CRISPLD1: variants seen among roughly 807,000 people sequenced by gnomAD.
CRISPLD1 encodes the protein cysteine-rich secretory protein LCCL domain-containing 1.
In CRISPLD1, 60 loss-of-function variants were observed where a neutral mutation model predicts 77.5. That is an observed-to-expected ratio of 0.77 (90% CI 0.63 to 0.96). The LOEUF is 0.96. CRISPLD1 is among the 40% of genes least tolerant of loss of function. The pLI, the probability that CRISPLD1 is intolerant of heterozygous loss-of-function variation, is 0.00. For synonymous variants in CRISPLD1, 195 were observed against 200.1 expected (o/e 0.97, Z 0.22); for missense variants, 623 against 615.8 (o/e 1.01, Z -0.12).
chr8:74,993,629 A>G (rs6990511), intron 2 of CRISPLD1, among the ~76,000 whole-genome samples: 57,061 of 152,050 alleles, frequency 0.38, 12,533 homozygotes, highest in African/African-American at 0.62. Context: ...CCTATAGAAA[A>G]AAAAGTGACA....
intron 12 of CRISPLD1, among the ~76,000 whole-genome samples, chr8:75,022,836 G>C (rs935473085): frequency 6.6e-6 from 1 of 151,970 alleles, no homozygotes; most frequent in Admixed American, 6.6e-5. Context: ...GTCCTTGAAA[G>C]TTTCCATGTC....
At chr8:75,030,102 G>A (rs898362125) in intron 14 of CRISPLD1, among the ~76,000 whole-genome samples, 6 of 151,910 alleles carry the variant, frequency 3.9e-5, no homozygotes, top group African/African-American at 1.4e-4. Context: ...TAAAATAAAT[G>A]AAGCAATGGT....
At chr8:75,006,904 C>T (rs1267704278) in intron 2 of CRISPLD1, among the ~76,000 whole-genome samples, 1 of 152,080 alleles carries the variant, frequency 6.6e-6, no homozygotes, top group African/African-American at 2.4e-5. Context: ...CATATAATCT[C>T]ATAAAACTTT....
intron 8 of CRISPLD1, 37 bp downstream of exon 8, chr8:75,016,978 TAATA>T (rs755734190): frequency 9.3e-6 from 14 of 1,513,466 alleles, no homozygotes; most frequent in Non-Finnish European, 1.2e-5. Context: ...TAATTGAATA[TAATA>T]AATATTTTTA....
intron 2 of CRISPLD1, chr8:75,000,243 T>G: frequency 2.0e-6 from 2 of 985,166 alleles, no homozygotes; most frequent in Non-Finnish European, 2.4e-6. Flanking sequence ...AATCTGTATC[T>G]GAAATAGTGA....
intron 2 of CRISPLD1, 64 bp downstream of exon 2, chr8:74,986,309 C>CTTCA: frequency 4.2e-6 from 6 of 1,436,866 alleles, no homozygotes; most frequent in Non-Finnish European, 5.8e-6. Flanking sequence ...AGTCAGCAGT[C>CTTCA]TTCATGCTGT....
intron 10 of CRISPLD1, 88 bp from the exon 11 acceptor site, chr8:75,019,782 G>A (rs1813100133): frequency 4.1e-6 from 4 of 978,304 alleles, no homozygotes; most frequent in African/African-American, 1.6e-5. Context: ...AGAAAATTAA[G>A]TGTTCATAGA....
rs1813035676 is a variant in CRISPLD1 at position 75,016,716 on chromosome 8, C to T, written c.868+11C>T. 6.3e-7 allele frequency: 1 copy of T among 1,595,898 alleles called. No individual in the cohort carries two copies. The highest frequency in any genetic ancestry group is 8.5e-7 in the Non-Finnish European group (1 of 1,173,130). ...GCGCACAGCAAATGTGTAAGACCTC[C>T]ATATTACTTATAAAAATTTTCAAAG... is the stretch of plus-strand genomic sequence containing the variant. On this transcript the variant is annotated intron_variant, in intron 7 of 14. Coordinates refer to ENST00000262207, the MANE Select transcript of CRISPLD1 (RefSeq NM_031461.6).
chr8:75,025,862 A>G (rs1476086536), intron 13 of CRISPLD1, among the ~76,000 whole-genome samples: 1 of 152,212 alleles, frequency 6.6e-6, no homozygotes, highest in Non-Finnish European at 1.5e-5. Flanking sequence ...TATATAAGAC[A>G]CATAATGAAA....
In CRISPLD1 at chr8:75,016,950, T is replaced by C; in HGVS notation, c.929+9T>C. ...GGAACAACCTGCAATAGGTAATATT[T>C]GTTATTATTTTGAAAATTAATTGAA... On this transcript the variant is annotated intron_variant, in intron 8 of 14. Transcript: ENST00000262207. 1 of 1,529,890 alleles carries C rather than the reference T, an allele frequency of 6.5e-7. No homozygotes were observed. Among genetic ancestry groups the C allele is most frequent in the African/African-American group, 1.4e-5 (1 of 72,204 alleles). 94.8% of individuals were successfully genotyped at this position (1,529,890 alleles called of 1,614,324 possible). A position where few individuals can be genotyped will look rare whatever the true frequency, so the allele number is the denominator to read the frequency against.
chr8:75,005,568 A>G (rs1031494168), intron 2 of CRISPLD1, among the ~76,000 whole-genome samples: 13 of 152,054 alleles, frequency 8.5e-5, no homozygotes, highest in African/African-American at 2.4e-4. Context: ...ACACAGCACT[A>G]AAGAAGGGGT....
At chr8:75,000,074 C>G (rs1667500961) in intron 2 of CRISPLD1, 4 of 901,440 alleles carry the variant, frequency 4.4e-6, no homozygotes, top group Non-Finnish European at 4.0e-6. Context: ...TTAGGCAAGA[C>G]CAGGAGTGAA....
intron 2 of CRISPLD1, among the ~76,000 whole-genome samples, chr8:75,007,938 C>T (rs1012772504): frequency 1.3e-5 from 2 of 151,986 alleles, no homozygotes; most frequent in African/African-American, 2.4e-5. Flanking sequence ...CCTCGCCTCC[C>T]GCAAAGTGCT....
chr8:75,019,784 G>C (rs1813100178), intron 10 of CRISPLD1, 86 bp from the exon 11 acceptor site: 2 of 1,035,674 alleles, frequency 1.9e-6, no homozygotes, highest in East Asian at 4.7e-5. Flanking sequence ...AAAATTAAGT[G>C]TTCATAGACT....
chr8:74,999,573 G>A (rs868044096), intron 2 of CRISPLD1, among the ~76,000 whole-genome samples: 8 of 152,120 alleles, frequency 5.3e-5, no homozygotes, highest in Non-Finnish European at 1.0e-4. Flanking sequence ...CCCAGGTGAT[G>A]TGGTGGCCGC....
chr8:75,002,023 G>A (rs1812751100), intron 2 of CRISPLD1, among the ~76,000 whole-genome samples: 1 of 152,036 alleles, frequency 6.6e-6, no homozygotes. Context: ...GGTACTTGGA[G>A]GCTTCAGTTG....
intron 4 of CRISPLD1, among the ~76,000 whole-genome samples, chr8:75,013,517 T>C (rs755197233): frequency 5.3e-5 from 8 of 152,144 alleles, no homozygotes; most frequent in Admixed American, 3.3e-4. Flanking sequence ...TTGATTGTTC[T>C]GTATGCTTTT....
intron 13 of CRISPLD1, among the ~76,000 whole-genome samples, chr8:75,028,321 A>G (rs1405775896): frequency 1.3e-5 from 2 of 152,206 alleles, no homozygotes; most frequent in Non-Finnish European, 1.5e-5. Context: ...AGTTCACAAC[A>G]CAGTAATAAT....
Position 75,017,447 on chromosome 8 carries a change from T to C in CRISPLD1, c.1124T>C (p.Ile375Thr). 2 of 1,599,190 alleles carry C rather than the reference T, an allele frequency of 1.3e-6. No individual in the cohort carries two copies. Among genetic ancestry groups the C allele is most frequent in the Non-Finnish European group, 1.7e-6 (2 of 1,175,418 alleles). The change falls in exon 10 of 15, where the codon ATT becomes ACT. Residue 375 changes from isoleucine (I) to threonine (T), a missense_variant. Physicochemically the swap from Ile to Thr is moderately conservative, Grantham distance 89. Coordinates refer to ENST00000262207, the MANE Select transcript of CRISPLD1 (RefSeq NM_031461.6). ...TCCAATAGAAATGGTATTCAAACAA[T>C]TGGGTAAGTACCAAAATAATCTTTT... Reference protein sequence around the residue: ...IKSNRNGIQTIGKYQSANSFT... With the variant: ...IKSNRNGIQTTGKYQSANSFT...
Sources: gnomAD v4.1 joint callset for allele counts (sites outside exome capture counted in the v4.1 genomes callset) on GRCh38, gnomAD v4.1.1 for gene constraint, MANE v1.5 for transcripts, NCBI Gene and HGNC (gene_info 2026-07-23, HGNC 2026-07-21) for gene names.